The following ADCY3 variants were observed in gnomAD, a reference collection of about 807,000 sequenced individuals.
ADCY3 encodes adenylate cyclase type 3.
A neutral mutation model predicts 119.4 loss-of-function variants in ADCY3; 70 were observed. That is an observed-to-expected ratio of 0.59 (90% CI 0.48 to 0.72). The LOEUF (loss-of-function observed/expected upper bound fraction) is 0.72. ADCY3 is among the 30% of genes least tolerant of loss of function. The probability of loss-of-function intolerance (pLI) is 0.00; values close to 1 mark genes in which losing one functional copy is unlikely to be tolerated. For missense variants in ADCY3, 1,238 were observed against 1,541.6 expected (o/e 0.80, Z 3.30); for synonymous variants, 672 against 621.4 (o/e 1.08, Z -1.21).
At chr2:24,840,943 C>A (rs989133384) in intron 6 of ADCY3, among the ~76,000 whole-genome samples, 4 of 152,210 alleles carry the variant, frequency 2.6e-5, no homozygotes, top group Non-Finnish European at 5.9e-5. Flanking sequence ...GGGGTCCCAG[C>A]AAGTGTGAGG....
At chr2:24,839,810 G>GGGGGATGGA (rs1670783837) in intron 7 of ADCY3, 63 bp downstream of exon 7, 1 of 1,608,686 alleles carries the variant, frequency 6.2e-7, no homozygotes, top group Admixed American at 1.7e-5. Flanking sequence ...TCACAGCCCT[G>GGGGGATGGA]GGGGATGGAG....
chr2:24,903,601 G>A (rs1351487773), intron 2 of ADCY3, among the ~76,000 whole-genome samples: 5 of 152,108 alleles, frequency 3.3e-5, no homozygotes, highest in South Asian at 2.1e-4. Context: ...GATAAAAAGC[G>A]CTTCAATGAT....
At chr2:24,862,260 T>A (rs1000630959) in intron 3 of ADCY3, among the ~76,000 whole-genome samples, 35 of 152,066 alleles carry the variant, frequency 2.3e-4, no homozygotes, top group South Asian at 2.1e-4. Context: ...AAAATCAATC[T>A]CGGTAGCCGG....
intron 2 of ADCY3, among the ~76,000 whole-genome samples, chr2:24,901,943 T>A (rs1251076771): frequency 6.6e-6 from 1 of 152,074 alleles, no homozygotes; most frequent in Non-Finnish European, 1.5e-5. Flanking sequence ...CATATAAATG[T>A]ATATATGTAT....
rs1320019739 is a variant in ADCY3, at chr2:24,825,984, G to A, written c.2577+61C>T. 2.6e-6 allele frequency: 4 copies of A among 1,532,728 alleles called. No individual in the cohort carries two copies. The African/African-American group carries it at 5.5e-5, about 21-fold the overall frequency. 94.9% of individuals were successfully genotyped at this position (1,532,728 alleles called of 1,614,324 possible). On this transcript the variant is annotated intron_variant, in intron 16 of 21. Transcript: ENST00000679454. ...GCTTGGGCTCTTAGGTCCCAGGGCT[G>A]CTTCTCAGGAGGCCCTGTGGGCTGT...
chr2:24,846,043 G>C (rs1259725652), intron 3 of ADCY3, among the ~76,000 whole-genome samples: 1 of 152,244 alleles, frequency 6.6e-6, no homozygotes, highest in East Asian at 1.9e-4. Context: ...GATTTCAGAA[G>C]ATGTATGGTA....
chr2:24,916,308 C>T (rs1018388593), intron 2 of ADCY3, among the ~76,000 whole-genome samples: 20 of 152,264 alleles, frequency 1.3e-4, no homozygotes, highest in Non-Finnish European at 2.9e-4. Context: ...TCCCTGGAAG[C>T]TCCAGGAGCC....
chr2:24,856,340 A>G (rs966003556), intron 3 of ADCY3, among the ~76,000 whole-genome samples: 1 of 152,208 alleles, frequency 6.6e-6, no homozygotes, highest in Non-Finnish European at 1.5e-5. Flanking sequence ...TCTAAGTGCC[A>G]TGTGCTTGAC....
chr2:24,906,833 T>C (rs1028760580), intron 2 of ADCY3, among the ~76,000 whole-genome samples: 2 of 152,176 alleles, frequency 1.3e-5, no homozygotes, highest in African/African-American at 2.4e-5. Flanking sequence ...ATCTGTCTTA[T>C]AAGAATCAGG....
chr2:24,825,331 TGGCGGGGGGG>T lies in ADCY3; in HGVS notation c.2577+704_2577+713del, dbSNP rs1296833978. 1.7e-3 allele frequency among the ~76,000 whole-genome samples: 58 copies of T among 33,794 alleles called. 4 individuals carry two copies. The highest frequency in any genetic ancestry group is 2.7e-3 in the Non-Finnish European group (49 of 18,260). The allele number at this position is 33,794 out of a possible 152,430, so 22.2% of individuals were successfully genotyped here. On this transcript the variant is annotated intron_variant, in intron 16 of 21. Coordinates refer to ENST00000679454, the MANE Select transcript of ADCY3 (RefSeq NM_004036.5). ...TTTGTCCGGTTGAGTGCGGTGGTTG[TGGCGGGGGGG>T]GGGGGGGTGCGGGGGGGGTGTCTCA...
chr2:24,909,440 T>C (rs140109849), intron 2 of ADCY3, among the ~76,000 whole-genome samples: 20 of 152,314 alleles, frequency 1.3e-4, no homozygotes, highest in Non-Finnish European at 2.8e-4. Context: ...CCACACATCC[T>C]GTCACCTAGG....
At position 24,831,690 on chromosome 2, in the gene ADCY3, A is replaced by C. The variant is rs1177720807; in HGVS notation, c.2027T>G (p.Ile676Ser). 2.5e-6 allele frequency: 4 copies of C among 1,614,040 alleles called. No individual in the cohort carries two copies. The highest frequency in any genetic ancestry group is 3.4e-6 in the Non-Finnish European group (4 of 1,179,992). The change falls in exon 12 of 22, where the codon ATC becomes AGC. Residue 676 changes from isoleucine (I) to serine (S), a missense_variant. Physicochemically the swap from Ile to Ser is moderately radical, Grantham distance 142. This residue lies in a region of ADCY3 where 499 missense variants were observed against 571.0 expected (regional missense o/e 0.87). Transcript: ENST00000679454. Reference sequence around the variant, plus strand: ...GGGAAAGATGGCAGCCAGGGAGCAGATGGTCAGGATGAGGAGCAGAATCTC... The same window carrying C: ...GGGAAAGATGGCAGCCAGGGAGCAGCTGGTCAGGATGAGGAGCAGAATCTC... The part of the protein sequence containing the change: ...VGEILLLILT[I>S]CSLAAIFPRA...
At chr2:24,914,392 C>T (rs2149075029) in intron 2 of ADCY3, among the ~76,000 whole-genome samples, 1 of 152,264 alleles carries the variant, frequency 6.6e-6, no homozygotes, top group Non-Finnish European at 1.5e-5. Flanking sequence ...TCTGTTCCCT[C>T]CTCTGGACAG....
chr2:24,903,178 G>A (rs920207259), intron 2 of ADCY3, among the ~76,000 whole-genome samples: 2 of 151,422 alleles, frequency 1.3e-5, no homozygotes, highest in African/African-American at 2.4e-5. Context: ...AGTTATACAT[G>A]GATGTTGACT....
chr2:24,914,489 A>G (rs373606744), intron 2 of ADCY3, among the ~76,000 whole-genome samples: 153 of 152,220 alleles, frequency 1.0e-3, no homozygotes, highest in Admixed American at 1.9e-3. Flanking sequence ...CCTGGCCAAC[A>G]TGGTGAAATC....
At chr2:24,887,802 A>C (rs546232941) in intron 2 of ADCY3, among the ~76,000 whole-genome samples, 1 of 152,018 alleles carries the variant, frequency 6.6e-6, no homozygotes, top group East Asian at 1.9e-4. Flanking sequence ...AATGCAAATA[A>C]CCACAGGCCC....
chr2:24,820,130 G>A lies in ADCY3; in HGVS notation c.3253-16C>T. 6.7e-7 allele frequency: 1 copy of A among 1,488,292 alleles called. No homozygotes were observed. The highest frequency in any genetic ancestry group is 9.0e-7 in the Non-Finnish European group (1 of 1,113,634). 92.2% of individuals were successfully genotyped at this position (1,488,292 alleles called of 1,614,324 possible). On this transcript the variant is annotated splice_polypyrimidine_tract_variant and intron_variant, in intron 21 of 21. Coordinates refer to ENST00000679454, the MANE Select transcript of ADCY3 (RefSeq NM_004036.5). ...CTTCTACCACCTGGAGAGGGAGGGG[G>A]AGCAAGAACGTGGCGTTACGGGGGG...
At position 24,842,710 on chromosome 2, in the gene ADCY3, G is replaced by A. The variant is rs1382262394; in HGVS notation, c.826-326C>T. On this transcript the variant is annotated intron_variant, in intron 3 of 21. Transcript: ENST00000679454. This position sits in a 1 kb window ranked among gnomAD's most constrained non-coding sequence, Gnocchi z 4.9. ...GCAGTCCTGCGTGGGCTGCTGCACC[G>A]TGAGCCCTCCCGGCAGGAGCCCTGC... The A allele has an allele frequency of 6.2e-6, 2 of 320,216 alleles. No homozygotes were observed. Among genetic ancestry groups the A allele is most frequent in the Admixed American group, 4.0e-5 (1 of 25,254 alleles). 19.8% of individuals were successfully genotyped at this position (320,216 alleles called of 1,614,324 possible).
At chr2:24,830,150 C>G (rs138095446) in intron 13 of ADCY3, among the ~76,000 whole-genome samples, 9,536 of 149,856 alleles carry the variant, frequency 0.064, 510 homozygotes, top group Non-Finnish European at 0.08. Flanking sequence ...AAGCGATTCT[C>G]CTGCTTCAGC....
Sources: allele counts gnomAD v4.1 joint callset (sites outside exome capture counted in the v4.1 genomes callset), GRCh38; gene constraint gnomAD v4.1.1; regional missense constraint gnomAD v4.1.1; non-coding constraint Gnocchi (gnomAD v3.1); transcripts MANE v1.5; gene names NCBI Gene and HGNC (gene_info 2026-07-23, HGNC 2026-07-21).